Variants in ANKRD36B observed in about 807,000 individuals in gnomAD.
The protein encoded by ANKRD36B is ankyrin repeat domain-containing protein 36B.
ANKRD36B carries 37 observed loss-of-function variants against 135.7 expected under a neutral mutation model. The ratio of observed to expected loss-of-function variants is 0.27; its 90% confidence interval spans 0.21 to 0.36. The LOEUF (loss-of-function observed/expected upper bound fraction) is 0.36. Among genes scored for constraint, ANKRD36B ranks in the 10% least tolerant of loss-of-function variants. ANKRD36B has a pLI of 1.00. For missense variants in ANKRD36B, 549 were observed against 1,037.1 expected (o/e 0.53, Z 6.46); for synonymous variants, 179 against 348.1 (o/e 0.51, Z 5.41).
intron 19 of ANKRD36B, 37 bp from the exon 20 acceptor site, chr2:97,549,528 A>T: frequency 3.1e-6 from 5 of 1,604,038 alleles, no homozygotes; most frequent in Non-Finnish European, 4.3e-6. Context: ...AAATAAATAA[A>T]GTATGTTTCA....
At position 97,589,781 on chromosome 2, in the gene ANKRD36B, G is replaced by C; in HGVS notation, c.-96C>G. 6.3e-7 allele frequency: 1 copy of C among 1,581,170 alleles called. No individual in the cohort carries two copies. Among genetic ancestry groups the C allele is most frequent in the Non-Finnish European group, 8.6e-7 (1 of 1,156,582 alleles). On this transcript the variant is annotated 5_prime_UTR_variant, in exon 1 of 44. Transcript: ENST00000359901. ...TTTCAGCTCGCCTTCGGGGATCGCC[G>C]CCTCCGAAGAGCAACAACAGGCAAA...
At chr2:97,538,641 G>C (rs1404019341) in intron 30 of ANKRD36B, among the ~76,000 whole-genome samples, 1 of 97,178 alleles carries the variant, frequency 1.0e-5, no homozygotes, top group African/African-American at 3.1e-5. Context: ...ATGTGGATAT[G>C]CTGAATGATG....
chr2:97,547,175 G>A (rs2079545978), intron 22 of ANKRD36B: 1 of 209,902 alleles, frequency 4.8e-6, no homozygotes. Context: ...GTCTTTTCTT[G>A]GCAGTATGAT....
intron 37 of ANKRD36B, among the ~76,000 whole-genome samples, chr2:97,514,531 A>G (rs1163133088): frequency 2.5e-5 from 2 of 81,338 alleles, no homozygotes; most frequent in South Asian, 2.6e-4. Flanking sequence ...ATTCATTGCA[A>G]GTATCCCTAA....
rs1340912891 is a variant in ANKRD36B, at chr2:97,589,626, A to T, written c.60T>A (p.His20Gln). 1 of 1,614,000 alleles carries T rather than the reference A, an allele frequency of 6.2e-7. No homozygotes were observed. Among genetic ancestry groups the T allele is most frequent in the African/African-American group, 1.3e-5 (1 of 74,890 alleles). ...AGACAGCTCTGTGGATCCTCTTCAG[A>T]TGATACGGTTTAATGTAGTAATGGG... ...AFPHYYIKPY[H>Q]LKRIHRAVLR... The change falls in exon 1 of 44, where the codon CAT becomes CAA. Residue 20 changes from histidine to glutamine, a missense_variant. His to Gln is a conservative substitution (Grantham distance 24). Transcript: ENST00000359901.
At chr2:97,569,630 G>T (rs1469308706) in intron 6 of ANKRD36B, among the ~76,000 whole-genome samples, 3 of 151,560 alleles carry the variant, frequency 2.0e-5, no homozygotes, top group Non-Finnish European at 4.4e-5. Context: ...GTTGAAAATG[G>T]GGGGAGCTAT....
intron 34 of ANKRD36B, among the ~76,000 whole-genome samples, chr2:97,534,697 TG>T (rs2078769720): frequency 1.0e-5 from 1 of 96,926 alleles, no homozygotes; most frequent in African/African-American, 3.1e-5. Flanking sequence ...GGTGAGGATG[TG>T]GAGAAAGCAG....
chr2:97,496,684 C>T (rs1241049621), intron 43 of ANKRD36B, among the ~76,000 whole-genome samples: 1 of 65,110 alleles, frequency 1.5e-5, no homozygotes, highest in Admixed American at 1.2e-4. Context: ...ATAAATGAAA[C>T]AACAAAGCCT....
intron 6 of ANKRD36B, among the ~76,000 whole-genome samples, chr2:97,561,363 A>G (rs1475349928): frequency 6.6e-6 from 1 of 151,866 alleles, no homozygotes; most frequent in South Asian, 2.1e-4. Flanking sequence ...AAATCTCTTC[A>G]GTGGAAGTGT....
chr2:97,556,315 C>G (rs1363147334), intron 12 of ANKRD36B, among the ~76,000 whole-genome samples: 1 of 151,856 alleles, frequency 6.6e-6, no homozygotes, highest in Non-Finnish European at 1.5e-5. Flanking sequence ...CTCTAGCACT[C>G]CTTCCTGATT....
At position 97,584,968 on chromosome 2, in the gene ANKRD36B, A is replaced by G. The variant is rs780181540; in HGVS notation, c.426T>C (p.Gly142=). The stretch of plus-strand genomic sequence containing the variant: ...CCTTGCTGCATTCTTCAATATTTGT[A>G]CCATGTGAAAGAAGTTTTTCTATCA... ...TSMIEKLLSH[G]TNIEECSKNE... The change falls in exon 3 of 44, where the codon GGT becomes GGC. Residue 142 remains glycine (G), a synonymous_variant. Transcript: ENST00000359901. 6.2e-7 allele frequency: 1 copy of G among 1,606,512 alleles called. No individual in the cohort carries two copies. Among genetic ancestry groups the G allele is most frequent in the East Asian group, 2.2e-5 (1 of 44,806 alleles).
At chr2:97,497,143 TGGA>T (rs1371527119) in intron 43 of ANKRD36B, among the ~76,000 whole-genome samples, 120 of 6,560 alleles carry the variant, frequency 0.018, no homozygotes, top group Non-Finnish European at 0.049. Context: ...TGTGATTCCT[TGGA>T]GGAGGTCAAA....
intron 6 of ANKRD36B, among the ~76,000 whole-genome samples, chr2:97,564,393 T>C (rs1243492205): frequency 6.6e-6 from 1 of 152,148 alleles, no homozygotes; most frequent in African/African-American, 2.4e-5. Flanking sequence ...TAGATCCCAT[T>C]TGTCAATTTT....
chr2:97,564,856 C>T lies in ANKRD36B; in HGVS notation c.764-3996G>A, dbSNP rs374488607. Among the ~76,000 whole-genome samples, 17 of 152,160 alleles carry T rather than the reference C, an allele frequency of 1.1e-4. No homozygotes were observed. The East Asian group carries it at 1.9e-3, about 17-fold the overall frequency. On this transcript the variant is annotated intron_variant, in intron 6 of 43. Coordinates refer to ENST00000359901, the MANE Select transcript of ANKRD36B (RefSeq NM_001393939.1). ...CTTAGGATTGTCTTGGCTATATGGG[C>T]TCTTTTTTTGGTTCCATATGAAATT...
chr2:97,547,800 G>C, intron 20 of ANKRD36B, 69 bp from the exon 21 acceptor site: 2 of 1,526,712 alleles, frequency 1.3e-6, no homozygotes, highest in Non-Finnish European at 1.8e-6. Context: ...CATTCACGCA[G>C]TGTTAGCATC....
chr2:97,585,351 T>G lies in ANKRD36B; in HGVS notation c.209A>C (p.His70Pro). 6.4e-7 allele frequency: 1 copy of G among 1,572,440 alleles called. No individual in the cohort carries two copies. ...ACATGQPEMV[H>P]LLVSRRCELN... The stretch of plus-strand genomic sequence containing the variant: ...CTCACATCTTCTGGACACCAGGAGA[T>G]GTACCATTTCCGGTTGGCCAGTGGC... Residue 70 changes from histidine to proline, a missense_variant, in exon 2 of 44, where the codon CAT becomes CCT. Physicochemically the swap from His to Pro is moderately conservative, Grantham distance 77. Coordinates refer to ENST00000359901, the MANE Select transcript of ANKRD36B (RefSeq NM_001393939.1).
rs552537348 is a variant in ANKRD36B, at chr2:97,558,381, A to G, written c.967+418T>C. 2.2e-4 allele frequency among the ~76,000 whole-genome samples: 34 copies of G among 152,118 alleles called. No homozygotes were observed. In the South Asian group the frequency reaches 6.8e-3, roughly 31 times the overall value. On this transcript the variant is annotated intron_variant, in intron 10 of 43. Transcript: ENST00000359901. ...CCTTGAGGAAAGTCATTGCTACATCAGTGGTCTCCTTAGCTCTCGTTCTAC... is the reference window on the plus strand; with the variant it reads ...CCTTGAGGAAAGTCATTGCTACATCGGTGGTCTCCTTAGCTCTCGTTCTAC...
chr2:97,496,825 A>ATGTG (rs79741024), intron 43 of ANKRD36B, among the ~76,000 whole-genome samples: 10 of 68,962 alleles, frequency 1.5e-4, no homozygotes, highest in African/African-American at 6.0e-4. Flanking sequence ...GTATGTATAT[A>ATGTG]TGTGTGTGTA....
intron 3 of ANKRD36B, among the ~76,000 whole-genome samples, chr2:97,584,198 TCAC>T (rs1301579397): frequency 1.0e-5 from 1 of 99,590 alleles, no homozygotes; most frequent in African/African-American, 4.6e-5. Flanking sequence ...TGCCGCTTCA[TCAC>T]CACTATTCAC....
Sources: gnomAD v4.1 joint callset for allele counts (sites outside exome capture counted in the v4.1 genomes callset) on GRCh38, gnomAD v4.1.1 for gene constraint, MANE v1.5 for transcripts, NCBI Gene and HGNC (gene_info 2026-07-23, HGNC 2026-07-21) for gene names.